The following TRIM55 variants were observed in gnomAD, a reference collection of about 807,000 sequenced individuals.
The protein encoded by TRIM55 is tripartite motif-containing protein 55.
In TRIM55, 50 loss-of-function variants were observed where a neutral mutation model predicts 60.9. The observed-to-expected ratio is 0.82, with a 90% confidence interval of 0.65 to 1.04. TRIM55 has a LOEUF of 1.04. TRIM55 is among the 50% of genes least tolerant of loss of function. TRIM55 has a pLI of 0.00. For missense variants in TRIM55, 681 were observed against 666.9 expected (o/e 1.02, Z -0.23); for synonymous variants, 237 against 238.1 (o/e 1.00, Z 0.04).
chr8:66,119,108 A>G, the TRIM55 span, among the ~76,000 whole-genome samples: 1 of 152,194 alleles, frequency 6.6e-6, no homozygotes, highest in Non-Finnish European at 1.5e-5. Context: ...CTCCAGCCCA[A>G]CTAAACTTCC....
At chr8:66,156,706 A>G (rs186030012) in intron 9 of TRIM55, among the ~76,000 whole-genome samples, 6 of 152,218 alleles carry the variant, frequency 3.9e-5, no homozygotes, top group Admixed American at 1.3e-4. Flanking sequence ...CCCTGGGTTG[A>G]CACTGACTCT....
At chr8:66,126,344 G>T (rs1035664715), upstream of TRIM55, among the ~76,000 whole-genome samples, 9 of 152,188 alleles carry the variant, frequency 5.9e-5, no homozygotes, top group Admixed American at 3.3e-4. Context: ...ATCAGTAAAA[G>T]ACTATCAAAT....
Position 66,174,573 on chromosome 8 carries a change from T to C in TRIM55, c.1627T>C (p.Leu543=), listed in dbSNP as rs745721739. 1 of 1,603,360 alleles carries C rather than the reference T, an allele frequency of 6.2e-7. No homozygotes were observed. Among genetic ancestry groups the C allele is most frequent in the Non-Finnish European group, 8.5e-7 (1 of 1,176,306 alleles). ...TCGCCATATCTTCTCCTTTTCCTGGTTGAACTCCCTAAATGAATGATATTC... is the reference window on the plus strand; with the variant it reads ...TCGCCATATCTTCTCCTTTTCCTGGCTGAACTCCCTAAATGAATGATATTC... ...PARHIFSFSW[L]NSLNE The change falls in exon 10 of 10, where the codon TTG becomes CTG. Residue 543 remains leucine (L), a synonymous_variant. Coordinates refer to ENST00000315962, the MANE Select transcript of TRIM55 (RefSeq NM_184085.2).
At chr8:66,129,735 A>G (rs1809032475) in intron 2 of TRIM55, among the ~76,000 whole-genome samples, 1 of 152,246 alleles carries the variant, frequency 6.6e-6, no homozygotes, top group Non-Finnish European at 1.5e-5. Context: ...TAACCAGCCA[A>G]TTAAAAACCA....
the TRIM55 span, among the ~76,000 whole-genome samples, chr8:66,117,754 C>T: frequency 2.0e-5 from 3 of 152,050 alleles, no homozygotes; most frequent in Admixed American, 6.5e-5. Flanking sequence ...GTGAAACCAA[C>T]GTTTGGGGTT....
At position 66,128,291 on chromosome 8, in the gene TRIM55, T is replaced by G. The variant is rs905786270; in HGVS notation, c.169-13T>G. 8 of 1,561,780 alleles carry G rather than the reference T, an allele frequency of 5.1e-6. No homozygotes were observed. In the Admixed American group the frequency reaches 8.3e-5, roughly 16 times the overall value. ...CATTACCCAATTCCTTTTTTCTTAC[T>G]TGGCAAGAACAGGCCTCTAACCCGT... On this transcript the variant is annotated splice_polypyrimidine_tract_variant and intron_variant, in intron 1 of 9. Transcript: ENST00000315962.
At chr8:66,164,839 G>T (rs948214346) in intron 9 of TRIM55, among the ~76,000 whole-genome samples, 12 of 151,770 alleles carry the variant, frequency 7.9e-5, no homozygotes, top group Non-Finnish European at 1.8e-4. Flanking sequence ...AGATTATAAA[G>T]GTGATCCCAG....
chr8:66,134,852 C>A (rs1479193361), intron 2 of TRIM55, 138 bp from the exon 3 acceptor site: 1 of 888,566 alleles, frequency 1.1e-6, no homozygotes, highest in African/African-American at 1.7e-5. Flanking sequence ...TGAAAGGGCC[C>A]CTGGGGGTCT....
At chr8:66,156,340 A>C (rs11992566) in intron 9 of TRIM55, among the ~76,000 whole-genome samples, 3,608 of 152,216 alleles carry the variant, frequency 0.024, 133 homozygotes, top group African/African-American at 0.081. Context: ...GACCTGAATG[A>C]ATTAACAGCC....
chr8:66,174,611 GC>G lies in TRIM55; in HGVS notation c.*22del. The G allele has an allele frequency of 6.3e-7, 1 of 1,579,350 alleles. No individual in the cohort carries two copies. On this transcript the variant is annotated 3_prime_UTR_variant, in exon 10 of 10. Coordinates refer to ENST00000315962, the MANE Select transcript of TRIM55 (RefSeq NM_184085.2). ...ATGAATGATATTCATTCCAACTGCT[GC>G]CCCTCTGTCTGCCTGGCTGAGATGC...
intron 8 of TRIM55, 44 bp from the exon 9 acceptor site, chr8:66,154,003 C>CTTT: frequency 7.8e-7 from 1 of 1,276,528 alleles, no homozygotes; most frequent in Non-Finnish European, 1.1e-6. Context: ...TCTTCTTCTT[C>CTTT]TTTTTTTTTT....
intron 2 of TRIM55, among the ~76,000 whole-genome samples, chr8:66,130,380 T>A (rs887086289): frequency 6.6e-6 from 1 of 152,224 alleles, no homozygotes; most frequent in African/African-American, 2.4e-5. Flanking sequence ...TTTTACTTGG[T>A]AGCAAAACCA....
In TRIM55 at chr8:66,129,941, C is replaced by T. The variant is rs1464084794; in HGVS notation, c.341+1465C>T. ...TTAAGCAATACCACAAATATTCTTA[C>T]GTAACAAGTTTCAGAGCTAGTACAG... On this transcript the variant is annotated intron_variant, in intron 2 of 9. Transcript: ENST00000315962. Among the ~76,000 whole-genome samples, 7 of 152,146 alleles carry T rather than the reference C, an allele frequency of 4.6e-5. No homozygotes were observed. In the East Asian group the frequency reaches 9.6e-4, roughly 21 times the overall value.
chr8:66,168,945 T>C (rs1811469237), intron 9 of TRIM55, among the ~76,000 whole-genome samples: 2 of 152,350 alleles, frequency 1.3e-5, no homozygotes, highest in African/African-American at 2.4e-5. Context: ...TGCTATCGCT[T>C]GACTGAGCCT....
intron 9 of TRIM55, among the ~76,000 whole-genome samples, chr8:66,173,133 G>A (rs549481960): frequency 5.3e-4 from 81 of 152,204 alleles, no homozygotes; most frequent in Admixed American, 2.6e-3. Context: ...ATCTAGTAAC[G>A]TTCTTTTTCA....
intron 9 of TRIM55, among the ~76,000 whole-genome samples, chr8:66,163,644 T>C (rs576509336): frequency 2.6e-5 from 4 of 152,356 alleles, no homozygotes; most frequent in African/African-American, 9.6e-5. Context: ...ATATACTTTA[T>C]ATGTTTCCAA....
intron 9 of TRIM55, among the ~76,000 whole-genome samples, chr8:66,173,939 A>C (rs1811779988): frequency 6.6e-6 from 1 of 152,190 alleles, no homozygotes; most frequent in African/African-American, 2.4e-5. Context: ...TGATTTGCCC[A>C]AAATTAAGCC....
At position 66,152,587 on chromosome 8, in the gene TRIM55, C is replaced by T. The variant is rs778653151; in HGVS notation, c.1196C>T (p.Pro399Leu). Residue 399 changes from proline to leucine, a missense_variant, in exon 8 of 10, where the codon CCT becomes CTT. Transcript: ENST00000315962. ...GALPVSSPEPPPALPPAADAP... is the reference protein window; with the variant it reads ...GALPVSSPEPLPALPPAADAP... ...CTTCCAGTTTCCTCTCCAGAGCCAC[C>T]TCCAGCCCTGCCACCTGCTGCGGAT... 1.2e-6 allele frequency: 2 copies of T among 1,614,142 alleles called. No individual in the cohort carries two copies. The highest frequency in any genetic ancestry group is 1.7e-5 in the Admixed American group (1 of 60,016).
At position 66,149,764 on chromosome 8, in the gene TRIM55, G is replaced by A. The variant is rs921402279; in HGVS notation, c.723G>A (p.Leu241=). The part of the protein sequence containing the change: ...QVITRTQEEK[L]EHVRALIKKY... ...TTACCCGAACCCAAGAGGAGAAACTGGAACATGTCCGTGCTCTGATCAAAA... is the reference window on the plus strand; with the variant it reads ...TTACCCGAACCCAAGAGGAGAAACTAGAACATGTCCGTGCTCTGATCAAAA... The change falls in exon 5 of 10, where the codon CTG becomes CTA. Residue 241 remains leucine, a synonymous_variant. Coordinates refer to ENST00000315962, the MANE Select transcript of TRIM55 (RefSeq NM_184085.2). 6.2e-6 allele frequency: 10 copies of A among 1,614,072 alleles called. No individual in the cohort carries two copies. Among genetic ancestry groups the A allele is most frequent in the Non-Finnish European group, 8.5e-6 (10 of 1,180,030 alleles).
Sources: allele counts gnomAD v4.1 joint callset (sites outside exome capture counted in the v4.1 genomes callset), GRCh38; gene constraint gnomAD v4.1.1; transcripts MANE v1.5; gene names NCBI Gene and HGNC (gene_info 2026-07-23, HGNC 2026-07-21).